Variants in CNIH3 observed in about 807,000 individuals in gnomAD.
The protein encoded by CNIH3 is cornichon family AMPA receptor auxiliary protein 3.
Under a neutral mutation model 24.1 loss-of-function variants are expected in CNIH3, and 14 were observed. The ratio of observed to expected loss-of-function variants is 0.58; its 90% CI spans 0.38 to 0.91. The LOEUF is 0.91. Among genes scored for constraint, CNIH3 ranks in the 40% least tolerant of loss-of-function variants. CNIH3 has a pLI of 0.00. For missense variants in CNIH3, 178 were observed against 196.8 expected (o/e 0.90, Z 0.57); for synonymous variants, 68 against 73.8 (o/e 0.92, Z 0.40).
chr1:224,649,831 C>T (rs1684784148), intron 1 of CNIH3, among the ~76,000 whole-genome samples: 2 of 152,186 alleles, frequency 1.3e-5, no homozygotes, highest in Non-Finnish European at 2.9e-5. Context: ...CTCTTCACTG[C>T]TTGTATAATC....
chr1:224,480,726 C>T (rs2405023), intron 1 of CNIH3, among the ~76,000 whole-genome samples: 126,184 of 152,170 alleles, frequency 0.83, 52,765 homozygotes, highest in East Asian at 0.97. Context: ...GACAAGTTCC[C>T]CATCTCCATC....
chr1:224,705,842 TTTC>T lies in CNIH3; in HGVS notation c.198+21002_198+21004del, dbSNP rs1687760019. On this transcript the variant is annotated intron_variant, in intron 3 of 5. Transcript: ENST00000272133. ...TTCTCTTTTTCTTTTCTTTTCTCTC[TTTC>T]TTTTCTTTTTTTTCTTTTTTTTTTT... Among the ~76,000 whole-genome samples, 7 of 141,910 alleles carry T rather than the reference TTTC, an allele frequency of 4.9e-5. No individual in the cohort carries two copies. In the South Asian group the frequency reaches 1.7e-3, roughly 35 times the overall value. 93.1% of individuals were successfully genotyped at this position (141,910 alleles called of 152,430 possible). A position where few individuals can be genotyped will look rare whatever the true frequency, so the allele number is the denominator to read the frequency against.
intron 1 of CNIH3, among the ~76,000 whole-genome samples, chr1:224,473,442 A>G (rs1676446809): frequency 6.6e-6 from 1 of 152,230 alleles, no homozygotes; most frequent in South Asian, 2.1e-4. Flanking sequence ...TGATGCCTAA[A>G]AGAAATACAC....
At chr1:224,515,983 C>T (rs1286502979) in intron 1 of CNIH3, 1 of 151,998 alleles carries the variant, frequency 6.6e-6, no homozygotes, top group Non-Finnish European at 1.5e-5. Context: ...TTCTTGTACC[C>T]TCTGGATTGT....
intron 2 of CNIH3, among the ~76,000 whole-genome samples, chr1:224,533,285 C>T (rs749768484): frequency 8.6e-5 from 13 of 151,048 alleles, no homozygotes; most frequent in Admixed American, 2.0e-4. Flanking sequence ...AGAGTAGTGG[C>T]GCGCCCTTAT....
At chr1:224,608,515 T>C (rs1443041525) in intron 3 of CNIH3, among the ~76,000 whole-genome samples, 3 of 152,302 alleles carry the variant, frequency 2.0e-5, no homozygotes, top group South Asian at 2.1e-4. Context: ...ATGCATGCAC[T>C]GGTAATCAGA....
intron 5 of CNIH3, among the ~76,000 whole-genome samples, chr1:224,586,647 C>A (rs895108746): frequency 1.3e-5 from 2 of 152,184 alleles, no homozygotes; most frequent in Non-Finnish European, 2.9e-5. Context: ...CAGTGTCCCC[C>A]AAGTTTGTGT....
At chr1:224,496,881 C>T (rs1230904662) in intron 1 of CNIH3, among the ~76,000 whole-genome samples, 1 of 152,092 alleles carries the variant, frequency 6.6e-6, no homozygotes, top group African/African-American at 2.4e-5. Flanking sequence ...TAGGAATTCC[C>T]AAGGTAATTG....
chr1:224,578,001 G>A (rs1681109326), intron 4 of CNIH3, among the ~76,000 whole-genome samples: 2 of 151,924 alleles, frequency 1.3e-5, no homozygotes, highest in African/African-American at 2.4e-5. Context: ...TCTCACTTAT[G>A]AGCAGGAGCT....
intron 3 of CNIH3, among the ~76,000 whole-genome samples, chr1:224,698,802 G>A (rs943245191): frequency 1.3e-5 from 2 of 152,194 alleles, no homozygotes; most frequent in South Asian, 2.1e-4. Flanking sequence ...TTCACTTGCG[G>A]AACTCTGCCT....
chr1:224,692,993 C>G (rs1687003779), intron 3 of CNIH3, among the ~76,000 whole-genome samples: 5 of 152,164 alleles, frequency 3.3e-5, no homozygotes. Context: ...GGCTCTTTTT[C>G]TAATTTCATT....
At chr1:224,626,926 T>C (rs1394619174) in intron 1 of CNIH3, among the ~76,000 whole-genome samples, 1 of 152,226 alleles carries the variant, frequency 6.6e-6, no homozygotes, top group African/African-American at 2.4e-5. Context: ...CACTCCAACC[T>C]ACCACAGGCT....
At chr1:224,709,669 A>T (rs1010006220) in intron 3 of CNIH3, among the ~76,000 whole-genome samples, 2 of 152,230 alleles carry the variant, frequency 1.3e-5, no homozygotes, top group African/African-American at 4.8e-5. Context: ...GAGCAAGAGA[A>T]GCCAGGCCAC....
In CNIH3 at chr1:224,596,691, C is replaced by A. The variant is rs77533720; in HGVS notation, n.402+30427C>A. 2.4e-3 allele frequency among the ~76,000 whole-genome samples: 364 copies of A among 152,274 alleles called. 8 individuals are homozygous for A. In the East Asian group the frequency reaches 0.047, roughly 20 times the overall value. ...GGTTCCTGGCTCATAACTCCCAGAACCCTTGTTATTTCCCAAATGACTAAA... is the reference window on the plus strand; with the variant it reads ...GGTTCCTGGCTCATAACTCCCAGAAACCTTGTTATTTCCCAAATGACTAAA... On this transcript the variant is annotated intron_variant and non_coding_transcript_variant, in intron 3 of 7. Coordinates refer to the CNIH3 transcript ENST00000478120.
chr1:224,533,178 A>G (rs1374869262), intron 2 of CNIH3, among the ~76,000 whole-genome samples: 2 of 152,012 alleles, frequency 1.3e-5, no homozygotes, highest in Non-Finnish European at 2.9e-5. Context: ...GCAAAGTCAT[A>G]GAGTTGGGTT....
At chr1:224,573,157 G>A (rs1047257044) in intron 4 of CNIH3, among the ~76,000 whole-genome samples, 1 of 152,004 alleles carries the variant, frequency 6.6e-6, no homozygotes, top group Admixed American at 6.6e-5. Context: ...CTTTTCTCTC[G>A]AATTTTTAGT....
intron 3 of CNIH3, among the ~76,000 whole-genome samples, chr1:224,557,137 G>T (rs1680170856): frequency 6.6e-6 from 1 of 152,070 alleles, no homozygotes; most frequent in Non-Finnish European, 1.5e-5. Flanking sequence ...CAACTCTCAG[G>T]CTCAAGTGAT....
At chr1:224,614,053 A>T (rs1682827042), upstream of CNIH3, among the ~76,000 whole-genome samples, 2 of 151,860 alleles carry the variant, frequency 1.3e-5, no homozygotes, top group Admixed American at 1.3e-4. Flanking sequence ...TAATTTTTGT[A>T]TTTTTTGTAG....
In CNIH3 at chr1:224,616,713, C is replaced by T; in HGVS notation, c.-462C>T. 1.0e-6 allele frequency: 1 copy of T among 993,512 alleles called. No homozygotes were observed. The highest frequency in any genetic ancestry group is 1.7e-5 in the African/African-American group (1 of 57,510). The allele number at this position is 993,512 out of a possible 1,614,324, so 61.5% of individuals were successfully genotyped here. ...ACTATCCGTTTGCGCCCCGGTGGCG[C>T]GGGAGGGTCCGGAGCGGAGCGCTCG... is the stretch of plus-strand genomic sequence containing the variant. On this transcript the variant is annotated 5_prime_UTR_variant, in exon 1 of 6. Transcript: ENST00000272133.
Sources: gnomAD v4.1 joint callset for allele counts (sites outside exome capture counted in the v4.1 genomes callset) on GRCh38, gnomAD v4.1.1 for gene constraint, MANE v1.5 for transcripts, NCBI Gene and HGNC (gene_info 2026-07-23, HGNC 2026-07-21) for gene names.